The following KPNA5 variants were observed in gnomAD, a reference collection of about 807,000 sequenced individuals.
KPNA5 encodes karyopherin subunit alpha 5.
In KPNA5, 46 loss-of-function variants were observed where a neutral mutation model predicts 71.3. The ratio of observed to expected loss-of-function variants is 0.65; its 90% CI spans 0.51 to 0.83. The LOEUF (loss-of-function observed/expected upper bound fraction) is 0.83, where lower values mean the gene tolerates loss of function less well. Among genes scored for constraint, KPNA5 ranks in the 40% least tolerant of loss-of-function variants. The pLI, the probability that KPNA5 is intolerant of heterozygous loss-of-function variation, is 0.00. For synonymous variants in KPNA5, 207 were observed against 201.4 expected, an observed-to-expected ratio of 1.03 and a Z score of -0.24; for missense variants, 547 against 628.3, an observed-to-expected ratio of 0.87 and a Z score of 1.38.
At chr6:116,702,667 C>T (rs75011858) in intron 6 of KPNA5, among the ~76,000 whole-genome samples, 1 of 150,654 alleles carries the variant, frequency 6.6e-6, no homozygotes, top group Non-Finnish European at 1.5e-5. Context: ...AGATTTGTTT[C>T]AAAAAAAAAG....
At chr6:116,704,879 A>C (rs1778376201) in intron 6 of KPNA5, among the ~76,000 whole-genome samples, 193 bp from the exon 7 acceptor site, 2 of 152,150 alleles carry the variant, frequency 1.3e-5, no homozygotes, top group African/African-American at 4.8e-5. Context: ...GTTCAGCTGG[A>C]AAACTTTTTA....
At chr6:116,686,359 T>A (rs1286936686) in intron 1 of KPNA5, among the ~76,000 whole-genome samples, 1 of 152,216 alleles carries the variant, frequency 6.6e-6, no homozygotes, top group Non-Finnish European at 1.5e-5. Flanking sequence ...CTTTGAAAAG[T>A]GTCTGTTCAT....
intron 7 of KPNA5, among the ~76,000 whole-genome samples, chr6:116,708,278 G>A (rs1458485568): frequency 6.6e-6 from 1 of 152,132 alleles, no homozygotes; most frequent in Non-Finnish European, 1.5e-5. Context: ...CGTAGGAGTG[G>A]AATTTGGTAA....
chr6:116,691,752 C>T (rs1562429597), intron 2 of KPNA5, among the ~76,000 whole-genome samples: 1 of 152,132 alleles, frequency 6.6e-6, no homozygotes, highest in East Asian at 1.9e-4. Flanking sequence ...TAAATATGTG[C>T]TTTTTTAAGT....
intron 1 of KPNA5, among the ~76,000 whole-genome samples, chr6:116,683,754 C>T (rs1001538463): frequency 2.0e-5 from 3 of 151,242 alleles, no homozygotes; most frequent in Non-Finnish European, 4.4e-5. Context: ...CCCACCACCA[C>T]GCCCGGCTAA....
At chr6:116,728,081 T>C (rs1357943836) in intron 12 of KPNA5, among the ~76,000 whole-genome samples, 1 of 152,132 alleles carries the variant, frequency 6.6e-6, no homozygotes, top group Non-Finnish European at 1.5e-5. Flanking sequence ...TGTATATTGC[T>C]AGCATCTGTC....
chr6:116,687,213 C>A (rs528810896), intron 1 of KPNA5, among the ~76,000 whole-genome samples: 1 of 152,044 alleles, frequency 6.6e-6, no homozygotes, highest in South Asian at 2.1e-4. Flanking sequence ...CTTTTAGCAG[C>A]GTTTTGTAAT....
chr6:116,704,972 CAG>C (rs1778383094), intron 6 of KPNA5, 98 bp from the exon 7 acceptor site: 2 of 669,646 alleles, frequency 3.0e-6, no homozygotes, highest in African/African-American at 3.7e-5. Flanking sequence ...TTTAACATAT[CAG>C]AAACTGTTGC....
At chr6:116,716,176 A>G in intron 7 of KPNA5, 43 bp from the exon 8 acceptor site, 2 of 1,445,690 alleles carry the variant, frequency 1.4e-6, no homozygotes, top group South Asian at 2.4e-5. Context: ...AAGAGGAAAA[A>G]TGAATGTAAG....
chr6:116,724,504 T>C, intron 10 of KPNA5, 129 bp downstream of exon 10: 1 of 585,818 alleles, frequency 1.7e-6, no homozygotes, highest in Non-Finnish European at 3.1e-6. Context: ...TCTGTATCTG[T>C]GTCTTGGAGG....
intron 5 of KPNA5, among the ~76,000 whole-genome samples, chr6:116,700,496 T>G (rs577855331): frequency 6.6e-6 from 1 of 151,980 alleles, no homozygotes; most frequent in Non-Finnish European, 1.5e-5. Flanking sequence ...ACACACACAC[T>G]GAGAAGTTGA....
intron 7 of KPNA5, among the ~76,000 whole-genome samples, chr6:116,714,775 A>T (rs1204979626): frequency 6.6e-6 from 1 of 152,156 alleles, no homozygotes; most frequent in African/African-American, 2.4e-5. Context: ...ACCCTGAGAG[A>T]ATTCCCAGTT....
chr6:116,718,602 A>G (rs1487770894), intron 8 of KPNA5, among the ~76,000 whole-genome samples: 4 of 151,576 alleles, frequency 2.6e-5, no homozygotes, highest in Admixed American at 6.6e-5. Flanking sequence ...CTTCCACTAA[A>G]ATGTGAACTC....
chr6:116,689,218 C>T, intron 1 of KPNA5, 102 bp from the exon 2 acceptor site: 3 of 1,223,528 alleles, frequency 2.5e-6, no homozygotes, highest in South Asian at 3.0e-5. Context: ...TTTTGTTGAC[C>T]TGTTAATCAG....
At chr6:116,711,441 T>A (rs1778681849) in intron 7 of KPNA5, among the ~76,000 whole-genome samples, 1 of 151,798 alleles carries the variant, frequency 6.6e-6, no homozygotes. Context: ...ATATGGGGTG[T>A]TAACAACTAT....
At position 116,702,104 on chromosome 6, in the gene KPNA5, T is replaced by A. The variant is rs1778253754; in HGVS notation, c.521T>A (p.Ile174Asn). The change falls in exon 6 of 14, where the codon ATT becomes AAT. Residue 174 changes from isoleucine to asparagine, a missense_variant. Physicochemically the swap from Ile to Asn is moderately radical, Grantham distance 149 (BLOSUM62 -3). Coordinates refer to ENST00000368564, the MANE Select transcript of KPNA5 (RefSeq NM_001366306.2). ...GTGATTGAAACTGGGGCTGTTCCGA[T>A]TTTTATCAAACTTCTTAATTCTGAA... ...KVVIETGAVP[I>N]FIKLLNSEHE... The A allele has an allele frequency of 1.9e-6, 3 of 1,613,884 alleles. No homozygotes were observed. The highest frequency in any genetic ancestry group is 1.3e-5 in the African/African-American group (1 of 74,940).
chr6:116,732,170 A>T lies in KPNA5; in HGVS notation c.1467A>T (p.Glu489Asp). Residue 489 changes from glutamate to aspartate, a missense_variant, in exon 14 of 14, where the codon GAA becomes GAT. Glu to Asp is a conservative substitution (Grantham distance 45, BLOSUM62 2). Coordinates refer to ENST00000368564, the MANE Select transcript of KPNA5 (RefSeq NM_001366306.2). ...AAATTGAGTTTTTGCAAAGCCATGA[A>T]AATCAGGAAATTTACCAGAAGGCAT... ...LDKIEFLQSHENQEIYQKAFD... is the reference protein window; with the variant it reads ...LDKIEFLQSHDNQEIYQKAFD... 6.5e-7 allele frequency: 1 copy of T among 1,550,100 alleles called. No individual in the cohort carries two copies. Among genetic ancestry groups the T allele is most frequent in the Middle Eastern group, 1.7e-4 (1 of 5,874 alleles).
At chr6:116,708,513 T>C (rs1051963151) in intron 7 of KPNA5, among the ~76,000 whole-genome samples, 4 of 152,214 alleles carry the variant, frequency 2.6e-5, no homozygotes, top group Admixed American at 1.3e-4. Context: ...ATTTACTCTG[T>C]AGATCACTTT....
chr6:116,688,761 T>A (rs1366229085), intron 1 of KPNA5, among the ~76,000 whole-genome samples: 1 of 152,154 alleles, frequency 6.6e-6, no homozygotes, highest in Non-Finnish European at 1.5e-5. Flanking sequence ...AAAACTGATA[T>A]TGTAGTCATA....
Sources: allele counts gnomAD v4.1 joint callset (sites outside exome capture counted in the v4.1 genomes callset), GRCh38; gene constraint gnomAD v4.1.1; transcripts MANE v1.5; gene names NCBI Gene and HGNC (gene_info 2026-07-23, HGNC 2026-07-21).